The following TP53BP2 variants were observed in gnomAD, a reference collection of about 807,000 sequenced individuals.
TP53BP2 encodes tumor protein p53 binding protein 2.
TP53BP2 carries 62 observed loss-of-function variants against 126.2 expected under a neutral mutation model. The observed-to-expected ratio is 0.49, with a 90% CI of 0.40 to 0.61. The LOEUF (loss-of-function observed/expected upper bound fraction) is 0.61. TP53BP2 is among the 20% of genes least tolerant of loss of function. The pLI is 0.00. For missense variants in TP53BP2, 1,215 were observed against 1,402.8 expected, an observed-to-expected ratio of 0.87 and a Z score of 2.14; for synonymous variants, 485 against 502.9, an observed-to-expected ratio of 0.96 and a Z score of 0.48.
chr1:223,798,100 A>T, intron 12 of TP53BP2, 115 bp downstream of exon 12: 1 of 1,031,168 alleles, frequency 9.7e-7, no homozygotes, highest in East Asian at 2.4e-5. Context: ...AGCCACAGTT[A>T]AAAACCCTTA....
At chr1:223,836,337 A>C (rs1162268354) in intron 1 of TP53BP2, among the ~76,000 whole-genome samples, 3 of 152,266 alleles carry the variant, frequency 2.0e-5, no homozygotes, top group African/African-American at 7.2e-5. Context: ...AGGCCGAATG[A>C]ACCACGAGGT....
At chr1:223,815,765 T>G (rs1191104341) in intron 2 of TP53BP2, among the ~76,000 whole-genome samples, 2 of 151,766 alleles carry the variant, frequency 1.3e-5, no homozygotes, top group Admixed American at 1.3e-4. Flanking sequence ...CATAAGATTT[T>G]AAGGCCATAT....
At chr1:223,793,173 G>T in intron 14 of TP53BP2, 130 bp downstream of exon 14, 1 of 734,920 alleles carries the variant, frequency 1.4e-6, no homozygotes, top group Non-Finnish European at 2.0e-6. Context: ...TTTCTCTACA[G>T]TCGCTTTCTA....
At chr1:223,837,745 G>C (rs2102890045) in intron 1 of TP53BP2, among the ~76,000 whole-genome samples, 1 of 152,278 alleles carries the variant, frequency 6.6e-6, no homozygotes, top group East Asian at 1.9e-4. Flanking sequence ...CACAGCAACA[G>C]AGTGAGCTTT....
chr1:223,812,018 T>C (rs1263375304), intron 3 of TP53BP2, among the ~76,000 whole-genome samples: 1 of 127,752 alleles, frequency 7.8e-6, no homozygotes. Flanking sequence ...GCATGTGATG[T>C]AAATAGAGAA....
At chr1:223,800,587 A>G (rs1662495084) in intron 10 of TP53BP2, 113 bp downstream of exon 10, 2 of 803,990 alleles carry the variant, frequency 2.5e-6, no homozygotes, top group Non-Finnish European at 3.8e-6. Flanking sequence ...CCTGTCTTTA[A>G]AAAAAACAAA....
chr1:223,845,339 G>A, intron 1 of TP53BP2: 1 of 821,194 alleles, frequency 1.2e-6, no homozygotes, highest in Non-Finnish European at 1.5e-6. Context: ...CTGCAAAAAA[G>A]TCAAGACCCA....
chr1:223,811,915 T>C (rs1178675460), intron 3 of TP53BP2, among the ~76,000 whole-genome samples: 1 of 152,174 alleles, frequency 6.6e-6, no homozygotes, highest in African/African-American at 2.4e-5. Context: ...CATATTGCAC[T>C]ATTGAGAGAC....
chr1:223,786,125 T>C (rs1331800909), intron 16 of TP53BP2, among the ~76,000 whole-genome samples: 6 of 152,106 alleles, frequency 3.9e-5, no homozygotes, highest in African/African-American at 1.4e-4. Context: ...AAAAACCATG[T>C]TGAATGAGAA....
intron 2 of TP53BP2, chr1:223,818,319 T>A (rs558170472): frequency 9.2e-5 from 14 of 152,152 alleles, no homozygotes; most frequent in African/African-American, 3.1e-4. Flanking sequence ...CTGGCCAACA[T>A]GATGAAACTC....
At chr1:223,802,681 G>A (rs1324908850) in intron 8 of TP53BP2, 50 bp downstream of exon 8, 1 of 1,601,946 alleles carries the variant, frequency 6.2e-7, no homozygotes, top group Non-Finnish European at 8.5e-7. Context: ...TCACTGGGCT[G>A]GTCATCTTTT....
chr1:223,813,403 C>A (rs114320253), intron 3 of TP53BP2, among the ~76,000 whole-genome samples: 5 of 152,122 alleles, frequency 3.3e-5, no homozygotes. Context: ...CAATCTCAGG[C>A]GTCTCACTCA....
rs138301340 is a variant in TP53BP2 at position 223,810,989 on chromosome 1, G to A, written c.290-476C>T. 2.0e-5 allele frequency among the ~76,000 whole-genome samples: 3 copies of A among 152,124 alleles called. No individual in the cohort carries two copies. The East Asian group carries it at 5.8e-4, about 29-fold the overall frequency. Reference sequence around the variant, plus strand: ...ATGAGAAGAAAGCACTTAAAAAAAGGAACAAGTAGTATCTTAATTATTTGG... The same window carrying A: ...ATGAGAAGAAAGCACTTAAAAAAAGAAACAAGTAGTATCTTAATTATTTGG... On this transcript the variant is annotated intron_variant, in intron 3 of 17. Transcript: ENST00000343537.
chr1:223,831,029 C>T lies in TP53BP2; in HGVS notation c.28-9662G>A, dbSNP rs557439682. ...AGGAGAATGGCATGAACCTGGGAGG[C>T]GGAGCTTGCAGTGAGCCGAGATCGC... is the stretch of plus-strand genomic sequence containing the variant. On this transcript the variant is annotated intron_variant, in intron 1 of 17. Transcript: ENST00000343537. 1.2e-4 allele frequency among the ~76,000 whole-genome samples: 18 copies of T among 151,994 alleles called. No individual in the cohort carries two copies. The South Asian group carries it at 2.9e-3, about 25-fold the overall frequency.
intron 2 of TP53BP2, among the ~76,000 whole-genome samples, chr1:223,817,786 C>T (rs1010632624): frequency 2.0e-5 from 3 of 151,624 alleles, no homozygotes; most frequent in South Asian, 2.1e-4. Context: ...ATTAGCTGGG[C>T]GTGGTGGTGG....
intron 1 of TP53BP2, among the ~76,000 whole-genome samples, chr1:223,827,591 G>A (rs931143027): frequency 3.9e-5 from 6 of 152,222 alleles, no homozygotes; most frequent in African/African-American, 1.4e-4. Flanking sequence ...AGGGAAGGGA[G>A]ACACAGGGTA....
At chr1:223,811,670 A>C (rs1662910535) in intron 3 of TP53BP2, among the ~76,000 whole-genome samples, 1 of 152,206 alleles carries the variant, frequency 6.6e-6, no homozygotes, top group Non-Finnish European at 1.5e-5. Context: ...TTTCATATAC[A>C]TTCAGGGTCA....
At chr1:223,817,202 GAGGAGGGGGAGGGAA>G (rs1374028250) in intron 2 of TP53BP2, among the ~76,000 whole-genome samples, 6 of 139,696 alleles carry the variant, frequency 4.3e-5, no homozygotes, top group African/African-American at 1.6e-4. Flanking sequence ...ACTGCATGTG[GAGGAGGGGGAGGGAA>G]AGGAGGAGGG....
intron 2 of TP53BP2, among the ~76,000 whole-genome samples, chr1:223,815,387 TC>T (rs891485635): frequency 8.6e-5 from 13 of 151,538 alleles, no homozygotes; most frequent in African/African-American, 2.7e-4. Context: ...TTCTAAGACC[TC>T]CCCCAAAAAG....
Sources: allele counts gnomAD v4.1 joint callset (sites outside exome capture counted in the v4.1 genomes callset), GRCh38; gene constraint gnomAD v4.1.1; transcripts MANE v1.5; gene names NCBI Gene and HGNC (gene_info 2026-07-23, HGNC 2026-07-21).